The following CC2D2A variants were observed in gnomAD, a reference collection of about 807,000 sequenced individuals.
The protein encoded by CC2D2A is coiled-coil and C2 domain-containing protein 2A.
In CC2D2A, 155 loss-of-function variants were observed where a neutral mutation model predicts 212.9. The observed-to-expected ratio is 0.73, with a 90% CI of 0.64 to 0.83. The LOEUF (loss-of-function observed/expected upper bound fraction) is 0.83. CC2D2A is among the 40% of genes least tolerant of loss of function. CC2D2A has a pLI of 0.00. For synonymous variants in CC2D2A, 667 were observed against 686.5 expected, an observed-to-expected ratio of 0.97 and a Z score of 0.44; for missense variants, 1,856 against 1,956.2, an observed-to-expected ratio of 0.95 and a Z score of 0.97.
In CC2D2A at chr4:15,514,823, G is replaced by A. The variant is rs1716768764; in HGVS notation, c.834G>A (p.Arg278=). The stretch of plus-strand genomic sequence containing the variant: ...CAGATTATGAAAGCATCCATGATCG[G>A]CTGCAGATGGAAAGAGAAATGCTCT... The part of the protein sequence containing the change: ...RPADYESIHD[R]LQMEREMLFI... The change falls in exon 9 of 37, where the codon CGG becomes CGA. Residue 278 remains arginine (R), a synonymous_variant. Coordinates refer to ENST00000424120, the MANE Select transcript of CC2D2A (RefSeq NM_001378615.1). The A allele has an allele frequency of 2.5e-6, 4 of 1,613,922 alleles. No individual in the cohort carries two copies. The highest frequency in any genetic ancestry group is 1.6e-4 in the Middle Eastern group (1 of 6,062).
At chr4:15,472,839 C>T (rs920071131) in intron 1 of CC2D2A, among the ~76,000 whole-genome samples, 2 of 152,102 alleles carry the variant, frequency 1.3e-5, no homozygotes, top group Non-Finnish European at 2.9e-5. Context: ...GTAGAGAAGA[C>T]AATAGAATTT....
At chr4:15,572,614 A>T (rs142105964) in intron 28 of CC2D2A, among the ~76,000 whole-genome samples, 1 of 151,822 alleles carries the variant, frequency 6.6e-6, no homozygotes, top group African/African-American at 2.4e-5. Context: ...AGACCTCCAT[A>T]GCAAGCAATT....
chr4:15,572,078 T>C (rs923242957), intron 28 of CC2D2A, among the ~76,000 whole-genome samples: 1 of 152,226 alleles, frequency 6.6e-6, no homozygotes, highest in Non-Finnish European at 1.5e-5. Flanking sequence ...GGTTCAATTC[T>C]CTGGAGCCAC....
intron 20 of CC2D2A, 71 bp from the exon 21 acceptor site, chr4:15,557,233 C>A: frequency 5.2e-6 from 5 of 961,546 alleles, no homozygotes; most frequent in Admixed American, 4.7e-5. Context: ...TGTTCCTTGA[C>A]ACTCAGTGCC....
intron 29 of CC2D2A, among the ~76,000 whole-genome samples, chr4:15,575,896 G>C (rs1353474974): frequency 6.6e-6 from 1 of 152,208 alleles, no homozygotes; most frequent in African/African-American, 2.4e-5. Flanking sequence ...CACCTTGGGG[G>C]TGTGTTTCTA....
chr4:15,591,341 T>TTCTGAGTAGCTGGGATTA (rs1447967357), intron 33 of CC2D2A, among the ~76,000 whole-genome samples: 1 of 151,684 alleles, frequency 6.6e-6, no homozygotes, highest in Non-Finnish European at 1.5e-5. Flanking sequence ...TGCCTCAGCC[T>TTCTGAGTAGCTGGGATTA]TCTGAGTAGC....
chr4:15,502,879 C>G lies in CC2D2A; in HGVS notation c.394C>G (p.Arg132Gly), dbSNP rs377177061. The change falls in exon 6 of 37, where the codon CGA becomes GGA. Residue 132 changes from arginine (R) to glycine (G), a missense_variant. Coordinates refer to ENST00000424120, the MANE Select transcript of CC2D2A (RefSeq NM_001378615.1). ...EIPTPRPRRL[R>G]SPSKKELETE... The stretch of plus-strand genomic sequence containing the variant: ...CCCCACTCCTCGGCCCAGACGCTTA[C>G]GAAGTCCCAGTAAGAAAGAATTGGA... The G allele has an allele frequency of 1.2e-6, 2 of 1,611,658 alleles. No individual in the cohort carries two copies. The highest frequency in any genetic ancestry group is 1.7e-6 in the Non-Finnish European group (2 of 1,179,086).
chr4:15,518,426 G>A (rs1717007492), intron 11 of CC2D2A, among the ~76,000 whole-genome samples: 1 of 152,200 alleles, frequency 6.6e-6, no homozygotes, highest in African/African-American at 2.4e-5. Flanking sequence ...TCATGAGCTG[G>A]TGTTGAGTGT....
intron 17 of CC2D2A, among the ~76,000 whole-genome samples, chr4:15,546,811 A>G (rs1257852954): frequency 6.6e-6 from 1 of 152,220 alleles, no homozygotes; most frequent in Non-Finnish European, 1.5e-5. Flanking sequence ...GCTGCAGGGA[A>G]GATGGGTTGC....
At chr4:15,505,588 C>T (rs562039385) in intron 6 of CC2D2A, among the ~76,000 whole-genome samples, 1 of 152,324 alleles carries the variant, frequency 6.6e-6, no homozygotes, top group African/African-American at 2.4e-5. Context: ...GGGGATTCAG[C>T]TCTGTGGTGG....
intron 27 of CC2D2A, among the ~76,000 whole-genome samples, chr4:15,570,124 C>A (rs1194770311): frequency 6.6e-6 from 1 of 152,164 alleles, no homozygotes. Context: ...AGGAATTGTA[C>A]TAGGTGCTTT....
At position 15,540,903 on chromosome 4, in the gene CC2D2A, C is replaced by A; in HGVS notation, c.2070C>A (p.Asn690Lys). 6.3e-7 allele frequency: 1 copy of A among 1,590,086 alleles called. No homozygotes were observed. Among genetic ancestry groups the A allele is most frequent in the Non-Finnish European group, 8.6e-7 (1 of 1,167,974 alleles). ...TGTACTTAAAAGTGCTGTTCAACAA[C>A]AAGGAGGTGTCCAGGACAGTCAGTC... The part of the protein sequence containing the change: ...RSVYLKVLFN[N>K]KEVSRTVSRP... Residue 690 changes from asparagine (N) to lysine (K), a missense_variant, in exon 17 of 37, where the codon AAC becomes AAA. Physicochemically the swap from Asn to Lys is moderately conservative, Grantham distance 94 (BLOSUM62 0). Coordinates refer to ENST00000424120, the MANE Select transcript of CC2D2A (RefSeq NM_001378615.1).
At chr4:15,550,719 C>G in intron 17 of CC2D2A, 105 bp from the exon 18 acceptor site, 1 of 784,420 alleles carries the variant, frequency 1.3e-6, no homozygotes, top group East Asian at 2.8e-5. Context: ...GCCCTTAGGG[C>G]TGGAACAGTG....
chr4:15,583,235 G>GATGTTTTCACTGTTTTC (rs1287682002), intron 30 of CC2D2A, among the ~76,000 whole-genome samples: 1 of 152,166 alleles, frequency 6.6e-6, no homozygotes, highest in African/African-American at 2.4e-5. Context: ...ACATCATACT[G>GATGTTTTCACTGTTTTC]AACAGTGAAA....
chr4:15,541,511 C>T (rs745489615), intron 17 of CC2D2A, among the ~76,000 whole-genome samples: 6 of 152,104 alleles, frequency 3.9e-5, no homozygotes, highest in Non-Finnish European at 7.3e-5. Flanking sequence ...AACTCACCTA[C>T]TGAAAATGCT....
chr4:15,567,642 C>T (rs765686436), intron 25 of CC2D2A, 35 bp from the exon 26 acceptor site: 3 of 1,472,952 alleles, frequency 2.0e-6, no homozygotes, highest in Non-Finnish European at 1.9e-6. Flanking sequence ...ATTTGACTAA[C>T]CATTGGGAAC....
Position 15,478,725 on chromosome 4 carries a change from G to C in CC2D2A, c.42G>C (p.Glu14Asp). Reference sequence around the variant, plus strand: ...CTCCCTTTTGCATTTTCACAAAGGAGTTCATTGAAAATGATGAGGATGCAG... The same window carrying C: ...CTCCCTTTTGCATTTTCACAAAGGACTTCATTGAAAATGATGAGGATGCAG... ...REEKVKIITE[E>D]FIENDEDADM... Residue 14 changes from glutamate to aspartate, a missense_variant and splice_region_variant, in exon 3 of 37, where the codon GAG becomes GAC. Physicochemically the swap from Glu to Asp is conservative, Grantham distance 45. Coordinates refer to ENST00000424120, the MANE Select transcript of CC2D2A (RefSeq NM_001378615.1). The C allele has an allele frequency of 6.4e-7, 1 of 1,552,712 alleles. No homozygotes were observed. The highest frequency in any genetic ancestry group is 1.2e-5 in the South Asian group (1 of 83,974).
chr4:15,597,124 A>G (rs1721354875), intron 34 of CC2D2A, among the ~76,000 whole-genome samples: 1 of 152,206 alleles, frequency 6.6e-6, no homozygotes, highest in African/African-American at 2.4e-5. Flanking sequence ...CACCTATGAA[A>G]GTGCCTAGCA....
In CC2D2A at chr4:15,550,843, A is replaced by ACAG; in HGVS notation, c.2202_2204dup (p.Ser736dup). The ACAG allele has an allele frequency of 6.3e-7, 1 of 1,576,460 alleles. No homozygotes were observed. The highest frequency in any genetic ancestry group is 8.7e-7 in the Non-Finnish European group (1 of 1,151,386). The stretch of plus-strand genomic sequence containing the variant: ...TTTCAGGTCTATGAAACTGTCGGAC[A>ACAG]CAGTAGTCCCACCTTGCTAGCAGAA... On this transcript the variant is annotated inframe_insertion, in exon 18 of 37. Coordinates refer to ENST00000424120, the MANE Select transcript of CC2D2A (RefSeq NM_001378615.1).
Sources: gnomAD v4.1 joint callset for allele counts (sites outside exome capture counted in the v4.1 genomes callset) on GRCh38, gnomAD v4.1.1 for gene constraint, MANE v1.5 for transcripts, NCBI Gene and HGNC (gene_info 2026-07-23, HGNC 2026-07-21) for gene names.